The following TOGARAM1 variants were observed in gnomAD, a reference collection of about 807,000 sequenced individuals.
TOGARAM1 encodes the protein TOG array regulator of axonemal microtubules protein 1.
A neutral mutation model predicts 166.6 loss-of-function variants in TOGARAM1; 100 were observed. The ratio of observed to expected loss-of-function variants is 0.60; its 90% CI spans 0.51 to 0.71. The LOEUF (loss-of-function observed/expected upper bound fraction) is 0.71, where lower values mean the gene tolerates loss of function less well. Ranked by LOEUF, TOGARAM1 falls within the 30% of genes least tolerant of loss-of-function variation. The probability of loss-of-function intolerance (pLI) is 0.00; values close to 1 mark genes in which losing one functional copy is unlikely to be tolerated. For synonymous variants in TOGARAM1, 758 were observed against 763.8 expected (o/e 0.99, Z 0.13); for missense variants, 2,029 against 2,102.7 (o/e 0.96, Z 0.69).
intron 6 of TOGARAM1, among the ~76,000 whole-genome samples, chr14:45,009,574 A>G (rs1487378130): frequency 6.6e-6 from 1 of 152,178 alleles, no homozygotes; most frequent in African/African-American, 2.4e-5. Context: ...ATTTTCTTAT[A>G]TCTTATTTCC....
chr14:44,987,757 A>G (rs1387765095), intron 1 of TOGARAM1, among the ~76,000 whole-genome samples: 1 of 149,780 alleles, frequency 6.7e-6, no homozygotes, highest in Non-Finnish European at 1.5e-5. Context: ...ATTACTGGGT[A>G]TATACCCAAA....
intron 9 of TOGARAM1, 51 bp downstream of exon 9, chr14:45,027,525 T>C (rs377557830): frequency 7.8e-6 from 11 of 1,405,558 alleles, no homozygotes; most frequent in African/African-American, 7.2e-5. Flanking sequence ...CAGTATGTCA[T>C]TGTTTTGTGT....
chr14:45,045,333 CTAAAGTTCATTATA>C (rs907376728), intron 13 of TOGARAM1, among the ~76,000 whole-genome samples: 338 of 151,168 alleles, frequency 2.2e-3, no homozygotes, highest in Non-Finnish European at 4.3e-3. Flanking sequence ...CCTTCTTTCT[CTAAAGTTCATTATA>C]TAAAGTTCAT....
intron 11 of TOGARAM1, 121 bp from the exon 12 acceptor site, chr14:45,043,565 T>G: frequency 1.5e-6 from 1 of 665,986 alleles, no homozygotes; most frequent in Non-Finnish European, 2.6e-6. Context: ...CTTCTGAGCC[T>G]TTCTCACCTT....
chr14:45,038,652 C>G (rs1338083825), intron 11 of TOGARAM1, among the ~76,000 whole-genome samples: 1 of 152,228 alleles, frequency 6.6e-6, no homozygotes, highest in East Asian at 1.9e-4. Context: ...TTGGGAAGCT[C>G]CTAAGTCTGG....
At chr14:45,071,134 A>C (rs907796885) in intron 18 of TOGARAM1, among the ~76,000 whole-genome samples, 2 of 152,074 alleles carry the variant, frequency 1.3e-5, no homozygotes, top group South Asian at 4.2e-4. Context: ...GCTGGCCAGG[A>C]TGGTCTCAAA....
At chr14:44,968,497 C>T (rs1885687994) in intron 1 of TOGARAM1, among the ~76,000 whole-genome samples, 1 of 152,232 alleles carries the variant, frequency 6.6e-6, no homozygotes, top group African/African-American at 2.4e-5. Context: ...ATCTGCCCGC[C>T]TCGGCCTCCC....
chr14:44,962,522 A>T lies in TOGARAM1; in HGVS notation c.101A>T (p.Asp34Val), dbSNP rs1210998221. The T allele has an allele frequency of 1.9e-6, 3 of 1,613,270 alleles. No homozygotes were observed. Among genetic ancestry groups the T allele is most frequent in the African/African-American group, 2.7e-5 (2 of 74,834 alleles). ...SRSRPSAPETDDSRVGGIMRG... is the reference protein window; with the variant it reads ...SRSRPSAPETVDSRVGGIMRG... ...AGTCGTCCTTCCGCCCCAGAGACCG[A>T]TGATAGTCGAGTTGGGGGCATTATG... is the stretch of plus-strand genomic sequence containing the variant. Residue 34 changes from aspartate (D) to valine (V), a missense_variant, in exon 1 of 20, where the codon GAT becomes GTT. Physicochemically the swap from Asp to Val is radical, Grantham distance 152. Transcript: ENST00000361462.
At chr14:45,016,740 G>A (rs1482313894) in intron 7 of TOGARAM1, among the ~76,000 whole-genome samples, 1 of 151,992 alleles carries the variant, frequency 6.6e-6, no homozygotes, top group East Asian at 1.9e-4. Context: ...TTGTAGTATA[G>A]CATATAATAA....
rs1885240401 is a variant in TOGARAM1 at position 44,962,743 on chromosome 14, G to A, written c.322G>A (p.Asp108Asn). The A allele has an allele frequency of 6.2e-7, 1 of 1,613,704 alleles. No individual in the cohort carries two copies. The highest frequency in any genetic ancestry group is 2.2e-5 in the East Asian group (1 of 44,868). Reference protein sequence around the residue: ...RLLQLLRTARDPSEAFQALQA... With the variant: ...RLLQLLRTARNPSEAFQALQA... The stretch of plus-strand genomic sequence containing the variant: ...CCTTCAACTCCTCCGCACTGCCCGG[G>A]ATCCTTCTGAGGCCTTCCAGGCTTT... The change falls in exon 1 of 20, where the codon GAT (aspartate) becomes AAT (asparagine). Residue 108 changes from aspartate (D) to asparagine (N), a missense_variant. Physicochemically the swap from Asp to Asn is conservative, Grantham distance 23 (BLOSUM62 1). Transcript: ENST00000361462.
chr14:44,978,160 G>C (rs1886318463), intron 1 of TOGARAM1: 1 of 152,184 alleles, frequency 6.6e-6, no homozygotes, highest in Non-Finnish European at 1.5e-5. Context: ...AGAGGGCACT[G>C]ATAAAAGTAG....
intron 16 of TOGARAM1, among the ~76,000 whole-genome samples, chr14:45,064,553 C>T (rs1883051387): frequency 6.6e-6 from 1 of 152,088 alleles, no homozygotes; most frequent in African/African-American, 2.4e-5. Context: ...TCACTGCAGC[C>T]TCGACCTCCC....
chr14:45,061,292 CCCAT>C (rs1472356725), intron 16 of TOGARAM1, among the ~76,000 whole-genome samples: 1 of 152,168 alleles, frequency 6.6e-6, no homozygotes, highest in Non-Finnish European at 1.5e-5. Flanking sequence ...TACAACATGC[CCCAT>C]CCATTTACTT....
intron 1 of TOGARAM1, among the ~76,000 whole-genome samples, chr14:44,986,733 G>A (rs534090895): frequency 3.3e-5 from 5 of 151,770 alleles, no homozygotes; most frequent in Admixed American, 2.0e-4. Flanking sequence ...TTGGCTGGGC[G>A]CGGTGGCTCG....
chr14:45,057,978 A>G (rs540173163), intron 16 of TOGARAM1, among the ~76,000 whole-genome samples: 1 of 152,332 alleles, frequency 6.6e-6, no homozygotes, highest in African/African-American at 2.4e-5. Context: ...GTTCAATTTA[A>G]GTTCAGTGTT....
intron 1 of TOGARAM1, among the ~76,000 whole-genome samples, chr14:44,986,041 T>G (rs1594623135): frequency 6.6e-6 from 1 of 152,214 alleles, no homozygotes; most frequent in South Asian, 2.1e-4. Flanking sequence ...TAAAACTTAG[T>G]TGAAGACATG....
chr14:45,018,174 G>C (rs1365416475), intron 7 of TOGARAM1, among the ~76,000 whole-genome samples: 1 of 152,022 alleles, frequency 6.6e-6, no homozygotes, highest in Non-Finnish European at 1.5e-5. Flanking sequence ...TAAATAAAAA[G>C]CTGTTATTTT....
Position 45,004,290 on chromosome 14 carries a change from C to A in TOGARAM1, c.2568C>A (p.Phe856Leu), listed in dbSNP as rs947191819. 1.2e-6 allele frequency: 2 copies of A among 1,614,082 alleles called. No individual in the cohort carries two copies. Among genetic ancestry groups the A allele is most frequent in the Non-Finnish European group, 1.7e-6 (2 of 1,180,008 alleles). ...CAAATTCCTGGCCTCTTAAAAGCTT[C>A]GAAGGACTATCAAAGCCAAGTCCAC... ...NFSNSWPLKS[F>L]EGLSKPSPQK... The change falls in exon 4 of 20, where the codon TTC becomes TTA. Residue 856 changes from phenylalanine (F) to leucine (L), a missense_variant. This residue lies in a region of TOGARAM1 where 1,453 missense variants were observed against 1,432.2 expected (regional missense o/e 1.01). Transcript: ENST00000361462.
At chr14:45,045,347 A>G (rs919995378) in intron 13 of TOGARAM1, among the ~76,000 whole-genome samples, 3 of 150,300 alleles carry the variant, frequency 2.0e-5, no homozygotes, top group Non-Finnish European at 4.5e-5. Context: ...AGTTCATTAT[A>G]TAAAGTTCAT....
Sources: gnomAD v4.1 joint callset for allele counts (sites outside exome capture counted in the v4.1 genomes callset) on GRCh38, gnomAD v4.1.1 for gene constraint, gnomAD v4.1.1 regional missense constraint, MANE v1.5 for transcripts, NCBI Gene and HGNC (gene_info 2026-07-23, HGNC 2026-07-21) for gene names.